The following RAB29 variants were observed in gnomAD, a reference collection of about 807,000 sequenced individuals.
RAB29 encodes ras-related protein Rab-29.
A neutral mutation model predicts 25.5 loss-of-function variants in RAB29; 13 were observed. The observed-to-expected ratio is 0.51, with a 90% CI of 0.33 to 0.81. The LOEUF (loss-of-function observed/expected upper bound fraction) is 0.81. Among genes scored for constraint, RAB29 ranks in the 30% least tolerant of loss-of-function variants. RAB29 has a pLI of 0.02. For synonymous variants in RAB29, 88 were observed against 95.0 expected, an observed-to-expected ratio of 0.93 and a Z score of 0.43; for missense variants, 201 against 254.9, an observed-to-expected ratio of 0.79 and a Z score of 1.44.
intron 1 of RAB29, 63 bp from the exon 2 acceptor site, chr1:205,775,149 G>A (rs1245647331): frequency 2.9e-6 from 2 of 691,398 alleles, no homozygotes; most frequent in Non-Finnish European, 4.4e-6. Context: ...TTCCTCCCCG[G>A]GCGGCCGCAA....
intron 4 of RAB29, 115 bp from the exon 5 acceptor site, chr1:205,770,969 C>A: frequency 7.6e-7 from 1 of 1,321,594 alleles, no homozygotes; most frequent in South Asian, 1.3e-5. Context: ...AGAACACCAG[C>A]ATCGGAAATC....
At chr1:205,774,407 G>A (rs909606547) in intron 2 of RAB29, among the ~76,000 whole-genome samples, 2 of 152,202 alleles carry the variant, frequency 1.3e-5, no homozygotes, top group African/African-American at 2.4e-5. Flanking sequence ...CTCAACAGAG[G>A]GGCAGGACTA....
At chr1:205,770,491 G>A in intron 5 of RAB29, 38 bp from the exon 6 acceptor site, 1 of 1,568,186 alleles carries the variant, frequency 6.4e-7, no homozygotes, top group Non-Finnish European at 8.8e-7. Context: ...GCTTATTTTG[G>A]AGGAAAAGCA....
In RAB29 at chr1:205,771,025, G is replaced by A. The variant is rs1206201462; in HGVS notation, c.379-171C>T. ...AAGAAAGTCTCACCCTTGGCTGGGCGCAGTGGCTCACGCCTGTAATCCCAG... is the reference window on the plus strand; with the variant it reads ...AAGAAAGTCTCACCCTTGGCTGGGCACAGTGGCTCACGCCTGTAATCCCAG... On this transcript the variant is annotated intron_variant, in intron 4 of 5. Transcript: ENST00000367139. The A allele has an allele frequency of 3.3e-5, 31 of 935,738 alleles. No homozygotes were observed. In the South Asian group the frequency reaches 4.3e-4, roughly 13 times the overall value. 58.0% of individuals were successfully genotyped at this position (935,738 alleles called of 1,614,324 possible).
At position 205,774,936 on chromosome 1, in the gene RAB29, C is replaced by T. The variant is rs1260172396; in HGVS notation, c.21G>A (p.Leu7=). MGSRDH[L]FKVLVVGDAA... ...CGTCCCCCACCACCAGCACTTTGAA[C>T]AGGTGGTCGCGGCTGCCCATGGCTA... The change falls in exon 2 of 6, where the codon CTG becomes CTA. Residue 7 remains leucine (L), a synonymous_variant. Coordinates refer to ENST00000367139, the MANE Select transcript of RAB29 (RefSeq NM_003929.3). 1.9e-6 allele frequency: 3 copies of T among 1,613,748 alleles called. No individual in the cohort carries two copies. The highest frequency in any genetic ancestry group is 2.5e-6 in the Non-Finnish European group (3 of 1,180,004).
chr1:205,773,236 AAC>A (rs1238024789), intron 2 of RAB29, among the ~76,000 whole-genome samples: 2 of 152,226 alleles, frequency 1.3e-5, no homozygotes, highest in African/African-American at 4.8e-5. Context: ...TAAGGAGAGA[AAC>A]AGAGTAATTT....
rs1289076180 is a variant in RAB29 at position 205,768,517 on chromosome 1, C to T, written c.*1825G>A. 1 of 137,582 alleles carries T rather than the reference C, an allele frequency of 7.3e-6. No homozygotes were observed. The highest frequency in any genetic ancestry group is 1.5e-5 in the Non-Finnish European group (1 of 64,602). 8.5% of individuals were successfully genotyped at this position (137,582 alleles called of 1,614,324 possible). ...GATTCAGTAGGTTTGAGGTCGGGAC[C>T]CAAAAATCTTTTTCTTTTTGTTTTT... On this transcript the variant is annotated 3_prime_UTR_variant, in exon 6 of 6. Transcript: ENST00000367139.
At chr1:205,773,923 T>C (rs1017766229) in intron 2 of RAB29, among the ~76,000 whole-genome samples, 2 of 152,174 alleles carry the variant, frequency 1.3e-5, no homozygotes, top group Non-Finnish European at 2.9e-5. Flanking sequence ...GTACGAGTTT[T>C]CCCCCCTTGA....
intron 2 of RAB29, among the ~76,000 whole-genome samples, 195 bp from the exon 3 acceptor site, chr1:205,772,762 C>T (rs1356008614): frequency 6.6e-6 from 1 of 152,138 alleles, no homozygotes; most frequent in Non-Finnish European, 1.5e-5. Context: ...CATACTCACT[C>T]TCCAAAGGGG....
At chr1:205,773,603 C>T (rs1230094129) in intron 2 of RAB29, among the ~76,000 whole-genome samples, 1 of 152,128 alleles carries the variant, frequency 6.6e-6, no homozygotes, top group Non-Finnish European at 1.5e-5. Context: ...TCACTGAAGC[C>T]TCGACCTCCC....
Position 205,774,912 on chromosome 1 carries a change from G to A in RAB29, c.45C>T (p.Asp15=), listed in dbSNP as rs774230991. The change falls in exon 2 of 6, where the codon GAC becomes GAT. Residue 15 remains aspartate, a synonymous_variant. Coordinates refer to ENST00000367139, the MANE Select transcript of RAB29 (RefSeq NM_003929.3). ...DHLFKVLVVG[D]AAVGKTSLVQ... Reference sequence around the variant, plus strand: ...CCAGCGACGTCTTGCCCACTGCGGCGTCCCCCACCACCAGCACTTTGAACA... The same window carrying A: ...CCAGCGACGTCTTGCCCACTGCGGCATCCCCCACCACCAGCACTTTGAACA... The A allele has an allele frequency of 1.2e-6, 2 of 1,613,742 alleles. No homozygotes were observed. The highest frequency in any genetic ancestry group is 1.7e-6 in the Non-Finnish European group (2 of 1,179,918).
rs1344324821 is a variant in RAB29 at position 205,768,646 on chromosome 1, G to C, written c.*1696C>G. ...ACTCCCAGGTTCAAGCGATTCTCCT[G>C]CCTCAGTCTCCCAAGTAGCTGGGAT... On this transcript the variant is annotated 3_prime_UTR_variant, in exon 6 of 6. Transcript: ENST00000367139. 6.6e-6 allele frequency: 1 copy of C among 151,114 alleles called. No homozygotes were observed. The highest frequency in any genetic ancestry group is 1.5e-5 in the Non-Finnish European group (1 of 67,958). 9.4% of individuals were successfully genotyped at this position (151,114 alleles called of 1,614,324 possible).
Position 205,770,769 on chromosome 1 carries a change from G to C in RAB29, c.464C>G (p.Ser155Ter). 6.2e-7 allele frequency: 1 copy of C among 1,614,150 alleles called. No homozygotes were observed. Among genetic ancestry groups the C allele is most frequent in the Non-Finnish European group, 8.5e-7 (1 of 1,180,030 alleles). The change falls in exon 5 of 6, where the codon TCA (serine) becomes TGA (stop). Residue 155 changes from serine (S) to a stop codon, truncating the protein, a stop_gained. Coordinates refer to ENST00000367139, the MANE Select transcript of RAB29 (RefSeq NM_003929.3). LOFTEE classifies it high-confidence loss of function. ...ATTAATATTTTTGTTCTCCTTGACT[G>C]ATGTTTCTGTCCAACCTGTGAAACC... is the stretch of plus-strand genomic sequence containing the variant. Reference protein sequence around the residue: ...ENGFTGWTETSVKENKNINEA... With the variant: ...ENGFTGWTET
Position 205,770,083 on chromosome 1 carries a change from T to C in RAB29, c.*259A>G, listed in dbSNP as rs945166532. On this transcript the variant is annotated 3_prime_UTR_variant, in exon 6 of 6. Transcript: ENST00000367139. ...TTCTCATAAAATTCCGGATCACAAATTGAGGGCTGATGAGAAGATCTTACA... is the reference window on the plus strand; with the variant it reads ...TTCTCATAAAATTCCGGATCACAAACTGAGGGCTGATGAGAAGATCTTACA... 4.2e-5 allele frequency: 21 copies of C among 505,668 alleles called. No individual in the cohort carries two copies. The highest frequency in any genetic ancestry group is 3.4e-4 in the African/African-American group (18 of 52,204). 31.3% of individuals were successfully genotyped at this position (505,668 alleles called of 1,614,324 possible). A position where few individuals can be genotyped will look rare whatever the true frequency, so the allele number is the denominator to read the frequency against.
Position 205,775,025 on chromosome 1 carries a change from C to T in RAB29, c.-69G>A, listed in dbSNP as rs1655246301. The T allele has an allele frequency of 6.3e-7, 1 of 1,578,738 alleles. No homozygotes were observed. The highest frequency in any genetic ancestry group is 8.6e-7 in the Non-Finnish European group (1 of 1,157,500). The stretch of plus-strand genomic sequence containing the variant: ...GGGATCGGGGGTCGCTCGTTTTAAC[C>T]CCTTTGGATCCGGACCCTCTTCAAA... On this transcript the variant is annotated 5_prime_UTR_variant, in exon 2 of 6. Transcript: ENST00000367139.
intron 2 of RAB29, 39 bp downstream of exon 2, chr1:205,774,794 C>G: frequency 7.0e-7 from 1 of 1,419,272 alleles, no homozygotes; most frequent in Non-Finnish European, 9.7e-7. Flanking sequence ...TCGGGGCCTC[C>G]TCCTCCCCCT....
chr1:205,771,068 G>T (rs1654969702), intron 4 of RAB29: 1 of 569,770 alleles, frequency 1.8e-6, no homozygotes, highest in Non-Finnish European at 3.0e-6. Context: ...GGAGGCTGAG[G>T]CGGGCAGATC....
chr1:205,771,499 C>T lies in RAB29; in HGVS notation c.351G>A (p.Pro117=), dbSNP rs151146209. The change falls in exon 4 of 6, where the codon CCG becomes CCA. Residue 117 remains proline (P), a synonymous_variant. Coordinates refer to ENST00000367139, the MANE Select transcript of RAB29 (RefSeq NM_003929.3). ...DSKLTLPNGE[P]VPCLLLANKC... ...TGTTGGCCAAGAGCAGGCAGGGCAC[C>T]GGCTCTCCATTGGGTAGTGTGAGCT... 6.3e-5 allele frequency: 102 copies of T among 1,614,128 alleles called. No individual in the cohort carries two copies. The African/African-American group carries it at 8.0e-4, about 13-fold the overall frequency.
At chr1:205,772,921 G>A (rs1163823918) in intron 2 of RAB29, among the ~76,000 whole-genome samples, 1 of 152,060 alleles carries the variant, frequency 6.6e-6, no homozygotes, top group Non-Finnish European at 1.5e-5. Context: ...AAGGGGTGAT[G>A]GGGGAGAAGG....
Sources: gnomAD v4.1 joint callset for allele counts (sites outside exome capture counted in the v4.1 genomes callset) on GRCh38, gnomAD v4.1.1 for gene constraint, MANE v1.5 for transcripts, NCBI Gene and HGNC (gene_info 2026-07-23, HGNC 2026-07-21) for gene names.